Variants in CERS4 observed in about 807,000 individuals in gnomAD.
The protein encoded by CERS4 is ceramide synthase 4, also known as LAG1 homolog, ceramide synthase 4.
A neutral mutation model predicts 51.8 loss-of-function variants in CERS4; 65 were observed. The observed-to-expected ratio is 1.26, with a 90% CI of 1.03 to 1.54. The LOEUF is 1.54. Among genes scored for constraint, CERS4 ranks in the 40% most tolerant of loss-of-function variants. CERS4 has a pLI of 0.00. For missense variants in CERS4, 563 were observed against 500.4 expected (o/e 1.13, Z -1.19); for synonymous variants, 228 against 208.4 (o/e 1.09, Z -0.81).
intron 2 of CERS4, among the ~76,000 whole-genome samples, chr19:8,235,010 TC>T (rs60998480): frequency 0.044 from 5,674 of 128,776 alleles, 500 homozygotes; most frequent in African/African-American, 0.17. Flanking sequence ...TTTCTTTCTT[TC>T]TTTTTTTTTT....
intron 2 of CERS4, among the ~76,000 whole-genome samples, chr19:8,224,423 A>AT (rs1967700601): frequency 6.6e-6 from 1 of 151,106 alleles, no homozygotes; most frequent in African/African-American, 2.4e-5. Context: ...AAAAAAAAAA[A>AT]AATTGTTGCC....
chr19:8,253,883 T>C (rs1484843412), intron 3 of CERS4, among the ~76,000 whole-genome samples: 1 of 151,870 alleles, frequency 6.6e-6, no homozygotes. Context: ...TCAGCTGCCT[T>C]TCTTATGTTT....
intron 2 of CERS4, among the ~76,000 whole-genome samples, chr19:8,216,212 C>G (rs1967293631): frequency 6.6e-6 from 1 of 151,810 alleles, no homozygotes; most frequent in Admixed American, 6.6e-5. Context: ...AACCCCGTCT[C>G]TACTAAAAAT....
At position 8,260,627 on chromosome 19, in the gene CERS4, T is replaced by A. The variant is rs1350525435; in HGVS notation, c.849-1061T>A. Among the ~76,000 whole-genome samples the A allele has an allele frequency of 2.6e-5, 4 of 151,136 alleles. No individual in the cohort carries two copies. The East Asian group carries it at 7.8e-4, about 29-fold the overall frequency. On this transcript the variant is annotated intron_variant, in intron 10 of 11. Coordinates refer to ENST00000251363, the MANE Select transcript of CERS4 (RefSeq NM_024552.3). The stretch of plus-strand genomic sequence containing the variant: ...TTGTTTTTTTCTTTCTTGTGTGAAA[T>A]AACAGTGGGATTGGAGTTGATGATA...
intron 9 of CERS4, 177 bp downstream of exon 9, chr19:8,257,254 CCT>C (rs1314365437): frequency 1.4e-5 from 9 of 653,812 alleles, no homozygotes; most frequent in South Asian, 6.2e-5. Context: ...GGCCCCACCC[CCT>C]CTGTCTTCCT....
At chr19:8,237,087 A>G (rs1968301618) in intron 2 of CERS4, among the ~76,000 whole-genome samples, 1 of 149,742 alleles carries the variant, frequency 6.7e-6, no homozygotes, top group Non-Finnish European at 1.5e-5. Context: ...CCTTGCTGTT[A>G]GTTCTCTCAC....
intron 10 of CERS4, among the ~76,000 whole-genome samples, chr19:8,260,074 G>A (rs1047367216): frequency 4.6e-5 from 7 of 152,096 alleles, no homozygotes; most frequent in African/African-American, 1.4e-4. Flanking sequence ...AGGGAGGAGG[G>A]AGGGCTGCTG....
At chr19:8,236,680 T>TAA (rs59164781) in intron 2 of CERS4, among the ~76,000 whole-genome samples, 1,298 of 122,260 alleles carry the variant, frequency 0.011, 10 homozygotes, top group African/African-American at 0.041. Context: ...CCCTGTCTTC[T>TAA]AAAAAAAAAA....
At chr19:8,255,113 GCTGTGGAGGCGTGGCTGCGTC>G (rs534391204) in intron 4 of CERS4, among the ~76,000 whole-genome samples, 3 of 152,288 alleles carry the variant, frequency 2.0e-5, no homozygotes, top group South Asian at 2.1e-4. Flanking sequence ...CAGGGTCTGT[GCTGTGGAGGCGTGGCTGCGTC>G]CTGAGTGGGG....
chr19:8,245,766 C>T (rs998143057), intron 2 of CERS4, among the ~76,000 whole-genome samples: 1 of 151,636 alleles, frequency 6.6e-6, no homozygotes, highest in Non-Finnish European at 1.5e-5. Context: ...TCTCAAACTC[C>T]TGATCGCAAG....
At chr19:8,260,928 G>A (rs1260127396) in intron 10 of CERS4, 2 of 135,490 alleles carry the variant, frequency 1.5e-5, no homozygotes, top group Non-Finnish European at 3.1e-5. Context: ...TCCAGCCTGG[G>A]TGACAGAGCA....
intron 6 of CERS4, 141 bp from the exon 7 acceptor site, chr19:8,256,095 C>T (rs951130861): frequency 3.5e-5 from 36 of 1,016,230 alleles, no homozygotes; most frequent in Non-Finnish European, 5.1e-5. Flanking sequence ...GCCCCCCAGT[C>T]GAGAGTGAGA....
In CERS4 at chr19:8,209,433, T is replaced by C. The variant is rs1299257807; in HGVS notation, c.-220T>C. ...TCTGCAGCTGCTCCGGGTAGCCCGC[T>C]AGGCGCGCCGTCCCCAGCCCCGCCG... On this transcript the variant is annotated 5_prime_UTR_variant, in exon 1 of 12. Transcript: ENST00000251363. 6.6e-6 allele frequency: 1 copy of C among 150,766 alleles called. No homozygotes were observed. Among genetic ancestry groups the C allele is most frequent in the Non-Finnish European group, 1.5e-5 (1 of 67,546 alleles). 9.3% of individuals were successfully genotyped at this position (150,766 alleles called of 1,614,324 possible). A position where few individuals can be genotyped will look rare whatever the true frequency, so the allele number is the denominator to read the frequency against.
chr19:8,216,199 T>C (rs1036206564), intron 2 of CERS4, among the ~76,000 whole-genome samples: 1 of 148,638 alleles, frequency 6.7e-6, no homozygotes, highest in African/African-American at 2.5e-5. Flanking sequence ...GCCAACAAGG[T>C]GAAACCCCGT....
chr19:8,255,947 G>A (rs142769693), intron 6 of CERS4, 68 bp downstream of exon 6: 5 of 1,540,870 alleles, frequency 3.2e-6, no homozygotes, highest in East Asian at 2.3e-5. Context: ...TGGCAGGAGT[G>A]GGGGTGTGGA....
chr19:8,224,787 C>T (rs1292390136), intron 2 of CERS4, among the ~76,000 whole-genome samples: 2 of 152,006 alleles, frequency 1.3e-5, no homozygotes, highest in Admixed American at 6.6e-5. Flanking sequence ...GGGACTGTCG[C>T]GGGAAAGACG....
chr19:8,242,615 G>T (rs1442644942), intron 2 of CERS4, among the ~76,000 whole-genome samples: 1 of 152,188 alleles, frequency 6.6e-6, no homozygotes, highest in African/African-American at 2.4e-5. Flanking sequence ...GGGTTTTGAA[G>T]GATGCATAGG....
chr19:8,209,587 C>G (rs1198982284), intron 1 of CERS4, 93 bp downstream of exon 1: 7 of 152,392 alleles, frequency 4.6e-5, no homozygotes, highest in Admixed American at 4.6e-4. Context: ...GGCCCCAGCC[C>G]GGCCCCCACT....
chr19:8,251,110 G>A lies in CERS4; in HGVS notation c.34G>A (p.Asp12Asn). The A allele has an allele frequency of 6.2e-7, 1 of 1,609,312 alleles. No homozygotes were observed. Among genetic ancestry groups the A allele is most frequent in the Non-Finnish European group, 8.5e-7 (1 of 1,178,170 alleles). ...LSSFNEWFWQ[D>N]RFWLPPNVTW... The stretch of plus-strand genomic sequence containing the variant: ...CAGTTTCAACGAGTGGTTTTGGCAG[G>A]ACAGGTTCTGGTTACCACCCAATGT... The change falls in exon 3 of 12, where the codon GAC becomes AAC. Residue 12 changes from aspartate (D) to asparagine (N), a missense_variant. Coordinates refer to ENST00000251363, the MANE Select transcript of CERS4 (RefSeq NM_024552.3).
Sources: allele counts gnomAD v4.1 joint callset (sites outside exome capture counted in the v4.1 genomes callset), GRCh38; gene constraint gnomAD v4.1.1; transcripts MANE v1.5; gene names NCBI Gene and HGNC (gene_info 2026-07-23, HGNC 2026-07-21).